Variants in LPP observed in about 807,000 individuals in gnomAD.
LPP encodes LIM domain containing preferred translocation partner in lipoma.
Under a neutral mutation model 60.4 loss-of-function variants are expected in LPP, and 38 were observed. That is an observed-to-expected ratio of 0.63 (90% CI 0.49 to 0.83). The LOEUF is 0.83. LPP is among the 40% of genes least tolerant of loss of function. LPP has a pLI of 0.00. For missense variants in LPP, 902 were observed against 783.6 expected (o/e 1.15, Z -1.80); for synonymous variants, 328 against 290.8 (o/e 1.13, Z -1.30).
At chr3:188,524,889 TTCCGTCCGTCCTTC>T (rs1820055973) in intron 6 of LPP, 102 bp downstream of exon 6, 17 of 120,590 alleles carry the variant, frequency 1.4e-4, no homozygotes, top group African/African-American at 1.9e-4. Flanking sequence ...CCTTCCTTCC[TTCCGTCCGTCCTTC>T]CTTCCTTCCT....
chr3:188,204,707 G>A (rs931626801), intron 1 of LPP, among the ~76,000 whole-genome samples: 1 of 152,074 alleles, frequency 6.6e-6, no homozygotes, highest in Non-Finnish European at 1.5e-5. Context: ...CCGCTTGGCT[G>A]GTTGATGTGG....
At chr3:188,245,994 TA>T (rs1472380137) in intron 2 of LPP, among the ~76,000 whole-genome samples, 1 of 152,260 alleles carries the variant, frequency 6.6e-6, no homozygotes, top group African/African-American at 2.4e-5. Context: ...CAAAGTTTTT[TA>T]CTTTATTTTT....
At chr3:188,765,297 AACACACACACACAC>A (rs60149759) in intron 9 of LPP, among the ~76,000 whole-genome samples, 2,035 of 144,066 alleles carry the variant, frequency 0.014, 42 homozygotes, top group African/African-American at 0.048. Flanking sequence ...TGTCTCACAC[AACACACACACACAC>A]ACACACACAC....
At chr3:188,710,883 T>G (rs1448479760) in intron 8 of LPP, 1 of 152,230 alleles carries the variant, frequency 6.6e-6, no homozygotes, top group African/African-American at 2.4e-5. Flanking sequence ...ACTTAGTAGC[T>G]TAGAAAACTT....
Position 188,617,289 on chromosome 3 carries a change from G to C in LPP, c.1113+7445G>C, listed in dbSNP as rs149035578. Among the ~76,000 whole-genome samples the C allele has an allele frequency of 7.2e-5, 11 of 152,264 alleles. 1 individual carries two copies. The highest frequency in any genetic ancestry group is 2.4e-4 in the African/African-American group (10 of 41,554). On this transcript the variant is annotated intron_variant, in intron 7 of 11. Coordinates refer to ENST00000617246, the MANE Select transcript of LPP (RefSeq NM_001375462.1). ...GCCTGAAGAGTTACAGTGACTTTCA[G>C]AGTTATGTGGTTAGTAAATGACCTC...
chr3:188,558,523 G>A (rs1306013951), intron 6 of LPP, among the ~76,000 whole-genome samples: 5 of 152,048 alleles, frequency 3.3e-5, no homozygotes, highest in African/African-American at 1.2e-4. Flanking sequence ...GGAAAATTGT[G>A]AATTGTAGGA....
intron 4 of LPP, among the ~76,000 whole-genome samples, chr3:188,446,856 A>G (rs1014166104): frequency 6.6e-6 from 1 of 152,146 alleles, no homozygotes; most frequent in Non-Finnish European, 1.5e-5. Flanking sequence ...CTCATTTGTA[A>G]GCTTTCTAGA....
intron 6 of LPP, among the ~76,000 whole-genome samples, chr3:188,579,188 C>T (rs894206749): frequency 5.3e-5 from 8 of 152,164 alleles, no homozygotes; most frequent in Non-Finnish European, 7.3e-5. Flanking sequence ...CCAAAGCCAT[C>T]GCTGAATCCT....
chr3:188,487,978 C>T (rs962294685), intron 5 of LPP, among the ~76,000 whole-genome samples: 4 of 151,268 alleles, frequency 2.6e-5, no homozygotes, highest in Non-Finnish European at 4.4e-5. Flanking sequence ...TGGCGCCAGG[C>T]ATCTAGTTAC....
At chr3:188,824,355 T>C (rs1436094957) in intron 9 of LPP, among the ~76,000 whole-genome samples, 1 of 152,208 alleles carries the variant, frequency 6.6e-6, no homozygotes, top group Admixed American at 6.6e-5. Flanking sequence ...TTCTTTAAAT[T>C]TGAGCTAATT....
At position 188,452,648 on chromosome 3, in the gene LPP, C is replaced by A. The variant is rs989744188; in HGVS notation, c.194-31944C>A. On this transcript the variant is annotated intron_variant, in intron 4 of 11. Transcript: ENST00000617246. Reference sequence around the variant, plus strand: ...ATGCTTTCCGTTCAGTACTTCTGCCCCCTAACCTTAAAGTCTTGAGAGAAG... The same window carrying A: ...ATGCTTTCCGTTCAGTACTTCTGCCACCTAACCTTAAAGTCTTGAGAGAAG... Among the ~76,000 whole-genome samples, 6 of 152,174 alleles carry A rather than the reference C, an allele frequency of 3.9e-5. No individual in the cohort carries two copies. In the East Asian group the frequency reaches 9.8e-4, roughly 25 times the overall value.
intron 6 of LPP, among the ~76,000 whole-genome samples, chr3:188,580,167 C>G (rs1164938047): frequency 6.6e-6 from 1 of 151,732 alleles, no homozygotes; most frequent in Admixed American, 6.6e-5. Flanking sequence ...AGAAAAATAA[C>G]ATAATTGTGT....
Position 188,587,029 on chromosome 3 carries a change from C to A in LPP, c.430-22132C>A, listed in dbSNP as rs189562587. The stretch of plus-strand genomic sequence containing the variant: ...CAGACGTGAGCCACCGCGCTTGCCC[C>A]TTAAGTGTTGTTTTAAAGAAAGTTG... On this transcript the variant is annotated intron_variant, in intron 6 of 11. Coordinates refer to ENST00000617246, the MANE Select transcript of LPP (RefSeq NM_001375462.1). Among the ~76,000 whole-genome samples the A allele has an allele frequency of 2.1e-4, 32 of 151,898 alleles. No individual in the cohort carries two copies. The East Asian group carries it at 6.0e-3, about 29-fold the overall frequency.
At chr3:188,516,756 C>G (rs1817495420) in intron 5 of LPP, among the ~76,000 whole-genome samples, 1 of 151,794 alleles carries the variant, frequency 6.6e-6, no homozygotes, top group African/African-American at 2.4e-5. Flanking sequence ...CACCTACGAA[C>G]TTGGTAGAAA....
At chr3:188,633,949 G>A (rs1848271496) in intron 7 of LPP, among the ~76,000 whole-genome samples, 1 of 152,026 alleles carries the variant, frequency 6.6e-6, no homozygotes, top group Admixed American at 6.6e-5. Flanking sequence ...TCTCTGCCAT[G>A]GAACTATCAG....
chr3:188,504,817 C>T (rs1010968550), intron 5 of LPP, among the ~76,000 whole-genome samples: 3 of 151,606 alleles, frequency 2.0e-5, no homozygotes, highest in African/African-American at 7.3e-5. Flanking sequence ...AAGGACTGGC[C>T]TTTTGAGTCC....
chr3:188,788,908 C>T (rs1441493463), intron 9 of LPP, among the ~76,000 whole-genome samples: 1 of 152,134 alleles, frequency 6.6e-6, no homozygotes, highest in Non-Finnish European at 1.5e-5. Context: ...GAATCAAGGT[C>T]TAACTTATGC....
chr3:188,816,289 C>G (rs536093633), intron 9 of LPP, among the ~76,000 whole-genome samples: 1 of 151,168 alleles, frequency 6.6e-6, no homozygotes, highest in Non-Finnish European at 1.5e-5. Flanking sequence ...CCAAGCTCCA[C>G]CTCCCGGGTT....
chr3:188,601,604 T>C (rs76451787), intron 6 of LPP, among the ~76,000 whole-genome samples: 20,120 of 152,176 alleles, frequency 0.13, 1,731 homozygotes, highest in East Asian at 0.35. Context: ...AAAGTAGTTT[T>C]GAACTCTGGT....
Sources: gnomAD v4.1 joint callset for allele counts (sites outside exome capture counted in the v4.1 genomes callset) on GRCh38, gnomAD v4.1.1 for gene constraint, MANE v1.5 for transcripts, NCBI Gene and HGNC (gene_info 2026-07-23, HGNC 2026-07-21) for gene names.